The following TOP3B variants were observed in gnomAD, a reference collection of about 807,000 sequenced individuals.
TOP3B encodes the protein DNA topoisomerase III beta.
In TOP3B, 45 loss-of-function variants were observed where a neutral mutation model predicts 93.9. That is an observed-to-expected ratio of 0.48 (90% CI 0.38 to 0.61). TOP3B has a LOEUF of 0.61. TOP3B is among the 20% of genes least tolerant of loss of function. The pLI is 0.00. For missense variants in TOP3B, 750 were observed against 1,156.1 expected, an observed-to-expected ratio of 0.65 and a Z score of 5.09; for synonymous variants, 357 against 472.6, an observed-to-expected ratio of 0.76 and a Z score of 3.17.
At chr22:21,982,606 C>T (rs964246855) in intron 1 of TOP3B, 124 bp downstream of exon 1, 4 of 152,298 alleles carry the variant, frequency 2.6e-5, no homozygotes, top group African/African-American at 9.6e-5. Flanking sequence ...CAGAGCCCGG[C>T]CCGGGCGCTC....
At chr22:21,964,076 T>A (rs1392689685) in intron 10 of TOP3B, 48 bp from the exon 11 acceptor site, 4 of 1,602,622 alleles carry the variant, frequency 2.5e-6, no homozygotes, top group Non-Finnish European at 3.4e-6. Context: ...CTCGGCTGCC[T>A]GCCTGGGTTT....
Position 21,971,679 on chromosome 22 carries a change from C to G in TOP3B, c.384+198G>C. The G allele has an allele frequency of 1.6e-6, 1 of 638,252 alleles. No individual in the cohort carries two copies. Among genetic ancestry groups the G allele is most frequent in the Admixed American group, 2.2e-5 (1 of 45,264 alleles). 39.5% of individuals were successfully genotyped at this position (638,252 alleles called of 1,614,324 possible). A position where few individuals can be genotyped will look rare whatever the true frequency, so the allele number is the denominator to read the frequency against. On this transcript the variant is annotated intron_variant, in intron 5 of 17. Transcript: ENST00000357179. The surrounding 1 kb of genome is among the most constrained non-coding windows in gnomAD (Gnocchi z 4.6). ...GAGGCCTCAGCAAGCGGAGGAACAA[C>G]TGACCACCTTTAATAGAGCCTATGC...
rs113668328 is a variant in TOP3B at position 21,960,677 on chromosome 22, G to A, written c.1526-228C>T. On this transcript the variant is annotated intron_variant, in intron 13 of 17. Transcript: ENST00000357179. ...AAGGGCAGCCCTCCCTGTACAGGGC[G>A]CCTACTCCTGCTTTATGGCAGAGAC... 188 of 565,806 alleles carry A rather than the reference G, an allele frequency of 3.3e-4. 1 individual carries two copies. Among genetic ancestry groups the A allele is most frequent in the African/African-American group, 2.9e-3 (153 of 53,058 alleles). The allele number at this position is 565,806 out of a possible 1,614,324, so 35.0% of individuals were successfully genotyped here. A position where few individuals can be genotyped will look rare whatever the true frequency, so the allele number is the denominator to read the frequency against.
intron 14 of TOP3B, chr22:21,959,938 G>T: frequency 1.4e-6 from 1 of 718,620 alleles, no homozygotes; most frequent in Non-Finnish European, 2.2e-6. Flanking sequence ...TTCCCACCTG[G>T]AAATGTCAGG....
Position 21,970,498 on chromosome 22 carries a change from G to A in TOP3B, c.385-92C>T, listed in dbSNP as rs2071594289. The A allele has an allele frequency of 7.3e-7, 1 of 1,375,978 alleles. No homozygotes were observed. Among genetic ancestry groups the A allele is most frequent in the Non-Finnish European group, 1.0e-6 (1 of 1,001,102 alleles). The allele number at this position is 1,375,978 out of a possible 1,614,324, so 85.2% of individuals were successfully genotyped here. A position where few individuals can be genotyped will look rare whatever the true frequency, so the allele number is the denominator to read the frequency against. On this transcript the variant is annotated intron_variant, in intron 5 of 17. Transcript: ENST00000357179. This position sits in a 1 kb window ranked among gnomAD's most constrained non-coding sequence, Gnocchi z 4.4. ...GTGAAGCCTGGTTCCTTCCAGGAAA[G>A]AACACGTGTGCTCGGCTCCCTCTCC... is the stretch of plus-strand genomic sequence containing the variant.
Position 21,970,182 on chromosome 22 carries a change from C to T in TOP3B, c.581+28G>A, listed in dbSNP as rs901384119. The T allele has an allele frequency of 6.5e-7, 1 of 1,548,452 alleles. No homozygotes were observed. ...CTGGCTGAGGGAGAGTGAGGGTGTG[C>T]CCAGGACTCTGCGGGTGTGGCCAGC... On this transcript the variant is annotated intron_variant, in intron 6 of 17. Coordinates refer to ENST00000357179, the MANE Select transcript of TOP3B (RefSeq NM_001282112.2). This position sits in a 1 kb window ranked among gnomAD's most constrained non-coding sequence, Gnocchi z 4.4.
intron 9 of TOP3B, chr22:21,965,027 T>C (rs760289631): frequency 8.3e-6 from 3 of 360,884 alleles, no homozygotes; most frequent in Non-Finnish European, 1.5e-5. Flanking sequence ...ACGTTCACAC[T>C]GGTTCCCTGA....
At chr22:21,974,192 C>A (rs538243504) in intron 3 of TOP3B, 165 bp downstream of exon 3, 3 of 841,606 alleles carry the variant, frequency 3.6e-6, no homozygotes, top group African/African-American at 1.7e-5. Context: ...GGGTTCTGGG[C>A]ACCGCACCAG....
intron 8 of TOP3B, 67 bp from the exon 9 acceptor site, chr22:21,965,442 T>C: frequency 4.7e-6 from 5 of 1,057,306 alleles, no homozygotes; most frequent in Non-Finnish European, 6.9e-6. Flanking sequence ...AATCAAGATG[T>C]GTGGACGAAG....
intron 3 of TOP3B, chr22:21,973,869 A>G (rs1297439068): frequency 6.5e-6 from 1 of 152,684 alleles, no homozygotes; most frequent in African/African-American, 2.4e-5. Flanking sequence ...GAGCCGGCAG[A>G]GCAGGGGGAA....
In TOP3B at chr22:21,958,632, C is replaced by A. The variant is rs2071031266; in HGVS notation, c.1967G>T (p.Gly656Val). 1.2e-6 allele frequency: 2 copies of A among 1,613,914 alleles called. No individual in the cohort carries two copies. The highest frequency in any genetic ancestry group is 1.7e-6 in the Non-Finnish European group (2 of 1,180,006). Residue 656 changes from glycine to valine, a missense_variant, in exon 17 of 18, where the codon GGC becomes GTC. Gly to Val is a moderately radical substitution (Grantham distance 109). This residue lies in a region of TOP3B where 737 missense variants were observed against 933.7 expected (regional missense o/e 0.79). Coordinates refer to ENST00000357179, the MANE Select transcript of TOP3B (RefSeq NM_001282112.2). Reference protein sequence around the residue: ...CDETYTLPQNGTIKLYKELRC... With the variant: ...CDETYTLPQNVTIKLYKELRC... Reference sequence around the variant, plus strand: ...GAGCTCCTTGTAGAGCTTGATGGTGCCGTTCTGGGGGAGCGTGTAGGTCTC... The same window carrying A: ...GAGCTCCTTGTAGAGCTTGATGGTGACGTTCTGGGGGAGCGTGTAGGTCTC...
chr22:21,974,074 CT>C, intron 3 of TOP3B: 1 of 287,080 alleles, frequency 3.5e-6, no homozygotes, highest in Non-Finnish European at 6.7e-6. Flanking sequence ...AGGTCAAGCC[CT>C]TCCTAAGATA....
chr22:21,975,531 G>A (rs943842042), intron 2 of TOP3B, 109 bp downstream of exon 2: 59 of 1,282,670 alleles, frequency 4.6e-5, no homozygotes, highest in African/African-American at 1.2e-4. Flanking sequence ...ACCACCTGCC[G>A]ACCCGAACCA....
rs1425100011 is a variant in TOP3B at position 21,960,657 on chromosome 22, C to G, written c.1526-208G>C. ...ATGTTCTGCCTTGAGAACACAAGGGCAGCCCTCCCTGTACAGGGCGCCTAC... is the reference window on the plus strand; with the variant it reads ...ATGTTCTGCCTTGAGAACACAAGGGGAGCCCTCCCTGTACAGGGCGCCTAC... On this transcript the variant is annotated intron_variant, in intron 13 of 17. Transcript: ENST00000357179. 5 of 656,308 alleles carry G rather than the reference C, an allele frequency of 7.6e-6. No homozygotes were observed. In the East Asian group the frequency reaches 1.4e-4, roughly 19 times the overall value. The allele number at this position is 656,308 out of a possible 1,614,324, so 40.7% of individuals were successfully genotyped here. A position where few individuals can be genotyped will look rare whatever the true frequency, so the allele number is the denominator to read the frequency against.
At chr22:21,959,412 GTGT>G (rs909615265) in intron 15 of TOP3B, 172 bp downstream of exon 15, 55 of 1,488,230 alleles carry the variant, frequency 3.7e-5, no homozygotes, top group Non-Finnish European at 4.5e-5. Context: ...GCCATGTGTG[GTGT>G]TAATGCACCT....
intron 8 of TOP3B, chr22:21,966,219 T>G (rs2071409096): frequency 1.3e-5 from 2 of 152,190 alleles, no homozygotes; most frequent in Non-Finnish European, 2.9e-5. Context: ...AATTATTTTT[T>G]TCAGAGACAG....
chr22:21,978,747 G>C (rs1257918946), intron 1 of TOP3B, among the ~76,000 whole-genome samples: 1 of 152,196 alleles, frequency 6.6e-6, no homozygotes. Flanking sequence ...GGGTAATCCT[G>C]ATGGGGCCAT....
At position 21,970,786 on chromosome 22, in the gene TOP3B, G is replaced by A. The variant is rs910004342; in HGVS notation, c.385-380C>T. The A allele has an allele frequency of 6.8e-6, 2 of 292,930 alleles. No homozygotes were observed. The highest frequency in any genetic ancestry group is 2.1e-5 in the African/African-American group (1 of 46,654). 18.1% of individuals were successfully genotyped at this position (292,930 alleles called of 1,614,324 possible). ...TCCCCAAACCCATCCCATGTGACAC[G>A]ATTCCCTGCCTTCTAGGAGGGAGGG... On this transcript the variant is annotated intron_variant, in intron 5 of 17. Transcript: ENST00000357179. The surrounding 1 kb of genome is among the most constrained non-coding windows in gnomAD (Gnocchi z 4.4).
rs2071599278 is a variant in TOP3B at position 21,970,605 on chromosome 22, A to G, written c.385-199T>C. 3.3e-6 allele frequency: 2 copies of G among 611,236 alleles called. No individual in the cohort carries two copies. The highest frequency in any genetic ancestry group is 2.9e-6 in the Non-Finnish European group (1 of 347,680). The allele number at this position is 611,236 out of a possible 1,614,324, so 37.9% of individuals were successfully genotyped here. Reference sequence around the variant, plus strand: ...TCCCCCTGCCTTTCCAGAAGCCCTGAGCACTCCACAACACCCCACCACATG... The same window carrying G: ...TCCCCCTGCCTTTCCAGAAGCCCTGGGCACTCCACAACACCCCACCACATG... On this transcript the variant is annotated intron_variant, in intron 5 of 17. Transcript: ENST00000357179. This position sits in a 1 kb window ranked among gnomAD's most constrained non-coding sequence, Gnocchi z 4.4.
Sources: gnomAD v4.1 joint callset for allele counts (sites outside exome capture counted in the v4.1 genomes callset) on GRCh38, gnomAD v4.1.1 for gene constraint, gnomAD v4.1.1 regional missense constraint, Gnocchi (gnomAD v3.1) non-coding constraint, MANE v1.5 for transcripts, NCBI Gene and HGNC (gene_info 2026-07-23, HGNC 2026-07-21) for gene names.